STPG2: variants seen among roughly 807,000 people sequenced by gnomAD.
STPG2 encodes the protein sperm tail PG-rich repeat containing 2, also known as sperm-tail PG-rich repeat-containing protein 2.
Under a neutral mutation model 54.2 loss-of-function variants are expected in STPG2, and 56 were observed. That is an observed-to-expected ratio of 1.03 (90% confidence interval 0.83 to 1.29). The LOEUF (loss-of-function observed/expected upper bound fraction) is 1.29. STPG2 is among the 50% of genes most tolerant of loss of function. STPG2 has a pLI of 0.00. For synonymous variants in STPG2, 200 were observed against 181.8 expected (o/e 1.10, Z -0.81); for missense variants, 596 against 544.9 (o/e 1.09, Z -0.93).
At chr4:97,972,730 T>C (rs1012654689) in intron 6 of STPG2, among the ~76,000 whole-genome samples, 1 of 152,162 alleles carries the variant, frequency 6.6e-6, no homozygotes, top group African/African-American at 2.4e-5. Flanking sequence ...TGGGAGGTAA[T>C]TGAATCATGG....
chr4:97,919,839 A>C (rs981675360), intron 8 of STPG2, among the ~76,000 whole-genome samples: 3 of 152,206 alleles, frequency 2.0e-5, no homozygotes, highest in African/African-American at 7.2e-5. Context: ...CCCCAAACCT[A>C]TAAAAGGTCA....
chr4:97,576,416 GCA>G (rs1732725646), intron 10 of STPG2, among the ~76,000 whole-genome samples: 1 of 151,830 alleles, frequency 6.6e-6, no homozygotes, highest in East Asian at 1.9e-4. Context: ...ACCAAAACAG[GCA>G]CACAGACTTA....
intron 9 of STPG2, among the ~76,000 whole-genome samples, chr4:97,763,595 G>A (rs191950766): frequency 6.6e-6 from 1 of 152,150 alleles, no homozygotes; most frequent in East Asian, 1.9e-4. Context: ...TATGCCTATT[G>A]TCCGGGCATC....
chr4:97,454,084 A>C (rs1729448332), intron 4 of STPG2, among the ~76,000 whole-genome samples: 1 of 152,312 alleles, frequency 6.6e-6, no homozygotes, highest in Non-Finnish European at 1.5e-5. Context: ...AGTACCACAC[A>C]TTATAAAACA....
intron 10 of STPG2, among the ~76,000 whole-genome samples, chr4:97,667,762 G>A (rs1244419002): frequency 6.6e-6 from 1 of 152,114 alleles, no homozygotes; most frequent in Non-Finnish European, 1.5e-5. Context: ...TTTGGAAAAT[G>A]ATGGCAGGTG....
chr4:97,925,464 T>A (rs1732299722), intron 8 of STPG2, among the ~76,000 whole-genome samples: 1 of 152,228 alleles, frequency 6.6e-6, no homozygotes, highest in South Asian at 2.1e-4. Context: ...CACTCTTCAG[T>A]GTGTCAGAAA....
intron 2 of STPG2, among the ~76,000 whole-genome samples, chr4:98,130,263 C>T (rs1229311638): frequency 6.6e-6 from 1 of 151,872 alleles, no homozygotes; most frequent in Non-Finnish European, 1.5e-5. Context: ...GCAACCTCTG[C>T]CTCCCGGGTT....
At chr4:97,651,534 A>T (rs1033435291) in intron 10 of STPG2, among the ~76,000 whole-genome samples, 25 of 152,106 alleles carry the variant, frequency 1.6e-4, no homozygotes, top group Admixed American at 1.4e-3. Flanking sequence ...AAATACCTAA[A>T]TGATGCAGAT....
chr4:97,874,188 T>C (rs186397719), intron 8 of STPG2, among the ~76,000 whole-genome samples: 1 of 151,840 alleles, frequency 6.6e-6, no homozygotes, highest in Non-Finnish European at 1.5e-5. Context: ...GAAAATTAGT[T>C]ATTTAAAACT....
At chr4:97,961,684 C>T (rs1463035126) in intron 7 of STPG2, among the ~76,000 whole-genome samples, 1 of 151,970 alleles carries the variant, frequency 6.6e-6, no homozygotes, top group Non-Finnish European at 1.5e-5. Context: ...CAAGAATGGC[C>T]ATAATCAAAA....
At chr4:97,803,201 A>T (rs1237314380) in intron 9 of STPG2, among the ~76,000 whole-genome samples, 2 of 152,178 alleles carry the variant, frequency 1.3e-5, no homozygotes, top group Non-Finnish European at 2.9e-5. Flanking sequence ...CAAAATATAT[A>T]TGGAGGGGGA....
At chr4:98,128,337 T>C (rs1203087256) in intron 3 of STPG2, 91 bp downstream of exon 3, 1 of 1,205,858 alleles carries the variant, frequency 8.3e-7, no homozygotes, top group Non-Finnish European at 1.1e-6. Flanking sequence ...TAATCATTTT[T>C]TTCTTGGAGA....
intron 8 of STPG2, among the ~76,000 whole-genome samples, chr4:97,863,266 T>C (rs1454634725): frequency 1.3e-5 from 2 of 151,912 alleles, no homozygotes; most frequent in Non-Finnish European, 2.9e-5. Flanking sequence ...GAAGGGGATA[T>C]CACCACCGAT....
Position 97,966,126 on chromosome 4 carries a change from A to G in STPG2, c.933+6154T>C, listed in dbSNP as rs180738697. ...AGCCCATCACAAGCAAGCTAGCTAA[A>G]AACCTTGAAAAAAGGTTAGACGAAT... On this transcript the variant is annotated intron_variant, in intron 7 of 10. Coordinates refer to ENST00000295268, the MANE Select transcript of STPG2 (RefSeq NM_174952.3). 1.1e-3 allele frequency among the ~76,000 whole-genome samples: 166 copies of G among 152,326 alleles called. 3 individuals are homozygous for G. The highest frequency in any genetic ancestry group is 0.01 in the Middle Eastern group (3 of 294).
At chr4:97,636,481 T>C (rs1397777267) in intron 10 of STPG2, among the ~76,000 whole-genome samples, 1 of 143,928 alleles carries the variant, frequency 6.9e-6, no homozygotes, top group African/African-American at 2.8e-5. Flanking sequence ...AGGCAAGAAA[T>C]AACTAAAATC....
At chr4:97,945,884 C>T (rs1200289781) in intron 7 of STPG2, among the ~76,000 whole-genome samples, 3 of 151,992 alleles carry the variant, frequency 2.0e-5, no homozygotes, top group Non-Finnish European at 4.4e-5. Flanking sequence ...TATGGTGAAA[C>T]CCTATCTCTA....
chr4:97,584,921 T>C (rs924450312), intron 10 of STPG2, among the ~76,000 whole-genome samples: 1 of 151,728 alleles, frequency 6.6e-6, no homozygotes, highest in African/African-American at 2.4e-5. Flanking sequence ...CACAGCTGAA[T>C]TCTTTCAGGC....
At chr4:97,613,808 T>C (rs543493039) in intron 10 of STPG2, among the ~76,000 whole-genome samples, 10 of 152,186 alleles carry the variant, frequency 6.6e-5, no homozygotes, top group East Asian at 1.9e-4. Context: ...GAGGTTTTTT[T>C]CTACCACTTT....
intron 4 of STPG2, among the ~76,000 whole-genome samples, chr4:97,508,403 A>C (rs2148838609): frequency 6.6e-6 from 1 of 152,236 alleles, no homozygotes; most frequent in South Asian, 2.1e-4. Context: ...ATTATTCAAA[A>C]TATGGTTATT....
Sources: allele counts gnomAD v4.1 joint callset (sites outside exome capture counted in the v4.1 genomes callset), GRCh38; gene constraint gnomAD v4.1.1; transcripts MANE v1.5; gene names NCBI Gene and HGNC (gene_info 2026-07-23, HGNC 2026-07-21).